SH2D4B: variants seen among roughly 807,000 people sequenced by gnomAD.
SH2D4B encodes SH2 domain containing 4B, also known as SH2 domain-containing protein 4B.
Under a neutral mutation model 61.5 loss-of-function variants are expected in SH2D4B, and 45 were observed. The ratio of observed to expected loss-of-function variants is 0.73; its 90% CI spans 0.58 to 0.94. The LOEUF (loss-of-function observed/expected upper bound fraction) is 0.94, where lower values mean the gene tolerates loss of function less well. SH2D4B is among the 40% of genes least tolerant of loss of function. SH2D4B has a pLI of 0.00. For missense variants in SH2D4B, 572 were observed against 574.2 expected, an observed-to-expected ratio of 1.00 and a Z score of 0.04; for synonymous variants, 224 against 220.4, an observed-to-expected ratio of 1.02 and a Z score of -0.14.
At chr10:80,601,348 G>A (rs1251844094) in intron 4 of SH2D4B, among the ~76,000 whole-genome samples, 1 of 152,164 alleles carries the variant, frequency 6.6e-6, no homozygotes, top group Non-Finnish European at 1.5e-5. Context: ...TTTTTTAAAT[G>A]ATGCTCACTA....
chr10:80,579,282 TA>T (rs1183788676), intron 3 of SH2D4B, among the ~76,000 whole-genome samples: 2 of 152,236 alleles, frequency 1.3e-5, no homozygotes, highest in African/African-American at 4.8e-5. Flanking sequence ...AGAATCTTTA[TA>T]TTGGGTTACA....
intron 4 of SH2D4B, among the ~76,000 whole-genome samples, chr10:80,598,342 A>T (rs1842409951): frequency 6.6e-6 from 1 of 152,164 alleles, no homozygotes; most frequent in Admixed American, 6.5e-5. Flanking sequence ...CTCATTAGGG[A>T]TGGAGAATGG....
At chr10:80,574,465 T>C (rs947977986) in intron 3 of SH2D4B, among the ~76,000 whole-genome samples, 12 of 152,088 alleles carry the variant, frequency 7.9e-5, no homozygotes, top group Non-Finnish European at 2.9e-5. Flanking sequence ...AAACTTCAGG[T>C]TTAATATTCG....
intron 1 of SH2D4B, among the ~76,000 whole-genome samples, chr10:80,552,889 T>TTC (rs5786463): frequency 0.031 from 4,495 of 146,914 alleles, 188 homozygotes; most frequent in African/African-American, 0.11. Flanking sequence ...CTCTCTTTCT[T>TTC]TCTCTCTCTC....
intron 1 of SH2D4B, among the ~76,000 whole-genome samples, chr10:80,566,287 A>C (rs1841967786): frequency 6.7e-6 from 1 of 149,800 alleles, no homozygotes; most frequent in South Asian, 2.1e-4. Flanking sequence ...TGATGGGATT[A>C]GATCAATTTC....
intron 6 of SH2D4B, among the ~76,000 whole-genome samples, chr10:80,609,864 C>T (rs1257617167): frequency 6.6e-6 from 1 of 152,196 alleles, no homozygotes; most frequent in Non-Finnish European, 1.5e-5. Flanking sequence ...CTGAGAGTTG[C>T]ATGAGCTGCT....
chr10:80,556,089 A>G (rs1275145872), intron 1 of SH2D4B, among the ~76,000 whole-genome samples: 1 of 152,104 alleles, frequency 6.6e-6, no homozygotes, highest in Non-Finnish European at 1.5e-5. Context: ...TCACTCCTTG[A>G]CAGCTACAAT....
chr10:80,602,157 A>T (rs1842457330), intron 4 of SH2D4B, among the ~76,000 whole-genome samples: 1 of 152,170 alleles, frequency 6.6e-6, no homozygotes, highest in East Asian at 1.9e-4. Context: ...CCCTTCCTTG[A>T]GGAGCACAAA....
intron 7 of SH2D4B, among the ~76,000 whole-genome samples, chr10:80,643,737 T>A (rs1840346749): frequency 6.6e-6 from 1 of 152,144 alleles, no homozygotes; most frequent in Non-Finnish European, 1.5e-5. Context: ...AAGCCCCTCC[T>A]GCATGTCTTT....
chr10:80,576,863 G>T (rs1421069423), intron 3 of SH2D4B, among the ~76,000 whole-genome samples: 1 of 152,176 alleles, frequency 6.6e-6, no homozygotes, highest in African/African-American at 2.4e-5. Flanking sequence ...TGCCTCCTGG[G>T]TTCAAGTGAT....
chr10:80,622,052 G>T (rs943552739), intron 6 of SH2D4B, among the ~76,000 whole-genome samples: 11 of 152,078 alleles, frequency 7.2e-5, no homozygotes, highest in African/African-American at 2.7e-4. Context: ...GGCCACTTGG[G>T]GAGCTGGACC....
chr10:80,579,864 A>G (rs1016536283), intron 3 of SH2D4B, among the ~76,000 whole-genome samples: 2 of 152,202 alleles, frequency 1.3e-5, no homozygotes, highest in African/African-American at 4.8e-5. Flanking sequence ...GAACTTCTCT[A>G]GGCAAGGCTG....
At position 80,604,838 on chromosome 10, in the gene SH2D4B, G is replaced by C. The variant is rs906744953; in HGVS notation, c.860+1043G>C. Among the ~76,000 whole-genome samples, 7 of 150,812 alleles carry C rather than the reference G, an allele frequency of 4.6e-5. 1 individual carries two copies. Among genetic ancestry groups the C allele is most frequent in the Admixed American group, 4.6e-4 (7 of 15,138 alleles). On this transcript the variant is annotated intron_variant, in intron 5 of 7. Coordinates refer to ENST00000646907, the MANE Select transcript of SH2D4B (RefSeq NM_001388272.1). The stretch of plus-strand genomic sequence containing the variant: ...AGACAGAGTCTTGCTCTATTGTCCA[G>C]GCTGGAGTGCAGTGGCGTGATCTCA...
At chr10:80,574,545 G>A (rs188535872) in intron 3 of SH2D4B, among the ~76,000 whole-genome samples, 306 of 152,174 alleles carry the variant, frequency 2.0e-3, no homozygotes, top group Non-Finnish European at 3.1e-3. Context: ...TATATATTTG[G>A]ATCCACAGCC....
chr10:80,628,623 A>G (rs1210645066), intron 6 of SH2D4B, among the ~76,000 whole-genome samples: 1 of 152,300 alleles, frequency 6.6e-6, no homozygotes, highest in Non-Finnish European at 1.5e-5. Flanking sequence ...TGGGTTTTCT[A>G]TGGAATGCTG....
At chr10:80,567,684 G>A (rs566639594) in intron 1 of SH2D4B, among the ~76,000 whole-genome samples, 1 of 152,342 alleles carries the variant, frequency 6.6e-6, no homozygotes, top group South Asian at 2.1e-4. Flanking sequence ...TACAGGTCAG[G>A]ACCGCAAAGT....
chr10:80,616,698 A>G (rs1842665090), intron 6 of SH2D4B, among the ~76,000 whole-genome samples: 1 of 152,164 alleles, frequency 6.6e-6, no homozygotes, highest in Non-Finnish European at 1.5e-5. Flanking sequence ...ATTGGCTGGT[A>G]TCTATGGGAT....
At chr10:80,602,131 C>T (rs1842457088) in intron 4 of SH2D4B, among the ~76,000 whole-genome samples, 1 of 152,180 alleles carries the variant, frequency 6.6e-6, no homozygotes, top group Admixed American at 6.5e-5. Context: ...TTCAAGGCCA[C>T]TTGGCTGAGA....
At position 80,609,541 on chromosome 10, in the gene SH2D4B, CT is replaced by C. The variant is rs757397851; in HGVS notation, c.979del (p.Trp327GlyfsTer18). The C allele has an allele frequency of 4.3e-6, 7 of 1,614,124 alleles. No homozygotes were observed. In the African/African-American group the frequency reaches 8.0e-5, roughly 18 times the overall value. On this transcript the variant is annotated frameshift_variant, in exon 6 of 8. Transcript: ENST00000646907. LOFTEE classifies it high-confidence loss of function. ...AGAGGAACACCAAGTTCATCGCCCC[CT>C]GGTTCCATGGTAGCACCATTTTTCT... The part of the protein sequence containing the change: ...FERNTKFIAP[W>X]FHGIISREDA...
Sources: allele counts gnomAD v4.1 joint callset (sites outside exome capture counted in the v4.1 genomes callset), GRCh38; gene constraint gnomAD v4.1.1; transcripts MANE v1.5; gene names NCBI Gene and HGNC (gene_info 2026-07-23, HGNC 2026-07-21).